RBFOX1: variants seen among roughly 807,000 people sequenced by gnomAD.
RBFOX1 encodes RNA binding protein fox-1 homolog 1.
In RBFOX1, 8 loss-of-function variants were observed where a neutral mutation model predicts 57.7. The ratio of observed to expected loss-of-function variants is 0.14; its 90% CI spans 0.08 to 0.25. The LOEUF is 0.25. Among genes scored for constraint, RBFOX1 ranks in the 10% least tolerant of loss-of-function variants. The probability of loss-of-function intolerance (pLI) is 1.00; values close to 1 mark genes in which losing one functional copy is unlikely to be tolerated. For synonymous variants in RBFOX1, 326 were observed against 222.4 expected, an observed-to-expected ratio of 1.47 and a Z score of -4.15; for missense variants, 611 against 548.5, an observed-to-expected ratio of 1.11 and a Z score of -1.14.
At chr16:6,471,948 G>A (rs569081562) in intron 2 of RBFOX1, among the ~76,000 whole-genome samples, 69 of 152,264 alleles carry the variant, frequency 4.5e-4, no homozygotes, top group Admixed American at 3.4e-3. Context: ...AACTTCCCCC[G>A]TCTCTGTCTG....
At chr16:5,420,861 TCCTCCTCCTCTCCCTCCCTCCC>T (rs1567482497) in intron 1 of RBFOX1, among the ~76,000 whole-genome samples, 3 of 118,860 alleles carry the variant, frequency 2.5e-5, no homozygotes, top group Non-Finnish European at 3.5e-5. Flanking sequence ...CTCCTCTTCC[TCCTCCTCCTCTCCCTCCCTCCC>T]CCTCCTCCTC....
At chr16:5,767,894 C>T (rs1567515207) in intron 3 of RBFOX1, among the ~76,000 whole-genome samples, 2 of 152,188 alleles carry the variant, frequency 1.3e-5, no homozygotes, top group South Asian at 4.2e-4. Context: ...GCCCTTTAGT[C>T]TCATGACCAT....
intron 4 of RBFOX1, among the ~76,000 whole-genome samples, chr16:7,134,234 C>T (rs910365995): frequency 2.0e-5 from 3 of 152,068 alleles, no homozygotes; most frequent in Admixed American, 6.6e-5. Context: ...GGATGGTGAT[C>T]AATAGAGCTG....
At chr16:7,548,077 A>T (rs1412471348) in intron 5 of RBFOX1, among the ~76,000 whole-genome samples, 1 of 152,154 alleles carries the variant, frequency 6.6e-6, no homozygotes, top group African/African-American at 2.4e-5. Context: ...TGAGCTACTT[A>T]TTCTGTTCAT....
intron 3 of RBFOX1, among the ~76,000 whole-genome samples, chr16:6,877,718 G>T (rs1314822738): frequency 6.6e-6 from 1 of 152,118 alleles, no homozygotes; most frequent in Non-Finnish European, 1.5e-5. Context: ...GAGGCTCAAA[G>T]AAGTTTCCAA....
At chr16:6,817,511 T>C (rs1244370680) in intron 3 of RBFOX1, among the ~76,000 whole-genome samples, 1 of 144,644 alleles carries the variant, frequency 6.9e-6, no homozygotes, top group African/African-American at 2.6e-5. Context: ...CTGGCCAGCA[T>C]GGTGAAACCC....
Position 6,692,381 on chromosome 16 carries a change from C to G in RBFOX1, c.-16+37731C>G, listed in dbSNP as rs372311609. ...CTAGATCCTTGAAGTCATTTGATAC[C>G]TGGTATCTCTCCCTAGAGTTCCTCT... On this transcript the variant is annotated intron_variant, in intron 3 of 15. Transcript: ENST00000550418. Among the ~76,000 whole-genome samples the G allele has an allele frequency of 3.3e-5, 5 of 152,116 alleles. No homozygotes were observed. In the East Asian group the frequency reaches 7.7e-4, roughly 24 times the overall value.
intron 1 of RBFOX1, among the ~76,000 whole-genome samples, chr16:6,243,163 T>TGTGTGG (rs1485712710): frequency 4.6e-5 from 7 of 152,046 alleles, no homozygotes; most frequent in Non-Finnish European, 1.0e-4. Context: ...TGTGTGTGTG[T>TGTGTGG]GTGTTTATGT....
At chr16:7,685,577 A>C (rs1484976536) in intron 14 of RBFOX1, among the ~76,000 whole-genome samples, 1 of 152,140 alleles carries the variant, frequency 6.6e-6, no homozygotes. Context: ...GAAGAAGGTG[A>C]ACATTATAAA....
At chr16:7,259,252 G>A (rs1008110579) in intron 4 of RBFOX1, among the ~76,000 whole-genome samples, 8 of 152,056 alleles carry the variant, frequency 5.3e-5, no homozygotes, top group African/African-American at 1.9e-4. Flanking sequence ...AGGAAGGAAG[G>A]CTTTCGCTAG....
chr16:6,647,347 A>T (rs944519358), intron 2 of RBFOX1, among the ~76,000 whole-genome samples: 2 of 152,096 alleles, frequency 1.3e-5, no homozygotes, highest in Non-Finnish European at 2.9e-5. Context: ...CTGGGTTGAA[A>T]TGATTCTCCT....
Position 5,959,016 on chromosome 16 carries a change from CT to C in RBFOX1, c.351+91684del, listed in dbSNP as rs2059700028. Among the ~76,000 whole-genome samples, 6 of 152,262 alleles carry C rather than the reference CT, an allele frequency of 3.9e-5. 1 individual carries two copies. In the South Asian group the frequency reaches 1.2e-3, roughly 32 times the overall value. On this transcript the variant is annotated intron_variant, in intron 4 of 19. Coordinates refer to the RBFOX1 transcript ENST00000641259. ...GTTCCAGGGATTAGGATGTGAACAT[CT>C]TTGGAGGAAGGAAGGCCATTATTCT...
chr16:7,090,303 C>G (rs983156889), intron 4 of RBFOX1, among the ~76,000 whole-genome samples: 1 of 152,182 alleles, frequency 6.6e-6, no homozygotes, highest in Non-Finnish European at 1.5e-5. Context: ...TTTATATGCA[C>G]CTATCTGTGT....
intron 2 of RBFOX1, among the ~76,000 whole-genome samples, chr16:6,629,973 T>TTTAAAA (rs201032968): frequency 7.7e-6 from 1 of 129,982 alleles, no homozygotes; most frequent in Non-Finnish European, 1.6e-5. Context: ...TTTTTTTTTT[T>TTTAAAA]AAAAAAAAAA....
chr16:7,045,911 G>A (rs2047767276), intron 3 of RBFOX1, among the ~76,000 whole-genome samples: 1 of 152,080 alleles, frequency 6.6e-6, no homozygotes, highest in African/African-American at 2.4e-5. Context: ...GCCCACCTCG[G>A]CCTCCCAAAG....
At chr16:6,144,516 A>G (rs2152708402) in intron 1 of RBFOX1, among the ~76,000 whole-genome samples, 1 of 152,356 alleles carries the variant, frequency 6.6e-6, no homozygotes, top group Non-Finnish European at 1.5e-5. Flanking sequence ...AATAGCATTG[A>G]AGAATTACAG....
chr16:6,410,263 T>A (rs1483554886), intron 2 of RBFOX1, among the ~76,000 whole-genome samples: 1 of 150,566 alleles, frequency 6.6e-6, no homozygotes, highest in African/African-American at 2.5e-5. Context: ...AAAGGTAGCC[T>A]TCTCCTTGGG....
At chr16:5,830,484 A>G (rs2056226787) in intron 3 of RBFOX1, among the ~76,000 whole-genome samples, 1 of 151,608 alleles carries the variant, frequency 6.6e-6, no homozygotes, top group Non-Finnish European at 1.5e-5. Context: ...AGAGGCCGGG[A>G]CTGTGGGGGC....
intron 4 of RBFOX1, among the ~76,000 whole-genome samples, chr16:7,212,404 G>C (rs964044064): frequency 6.6e-6 from 1 of 152,122 alleles, no homozygotes; most frequent in African/African-American, 2.4e-5. Flanking sequence ...TGTGTTATTA[G>C]CAACCCCTCT....
Sources: allele counts gnomAD v4.1 joint callset (sites outside exome capture counted in the v4.1 genomes callset), GRCh38; gene constraint gnomAD v4.1.1; transcripts MANE v1.5; gene names NCBI Gene and HGNC (gene_info 2026-07-23, HGNC 2026-07-21).